Variants in DGKZ observed in about 807,000 individuals in gnomAD.
DGKZ encodes the protein diacylglycerol kinase zeta.
In DGKZ, 45 loss-of-function variants were observed where a neutral mutation model predicts 142.5. That is an observed-to-expected ratio of 0.32 (90% confidence interval 0.25 to 0.40). The LOEUF is 0.40. Ranked by LOEUF, DGKZ falls within the 10% of genes least tolerant of loss-of-function variation. The pLI, the probability that DGKZ is intolerant of heterozygous loss-of-function variation, is 1.00. For synonymous variants in DGKZ, 442 were observed against 527.0 expected (o/e 0.84, Z 2.21); for missense variants, 755 against 1,306.5 (o/e 0.58, Z 6.51).
Position 46,371,700 on chromosome 11 carries a change from G to T in DGKZ, c.760-4G>T. 1 of 1,613,904 alleles carries T rather than the reference G, an allele frequency of 6.2e-7. No homozygotes were observed. ...CGTCACCAACACCCCTGCTTCCCTT[G>T]CAGAATACTCTGAAAGCAAGCAAGA... On this transcript the variant is annotated splice_region_variant and splice_polypyrimidine_tract_variant and intron_variant, in intron 8 of 30. Transcript: ENST00000527911.
chr11:46,338,202 T>C (rs1423099197), intron 1 of DGKZ, among the ~76,000 whole-genome samples: 1 of 152,020 alleles, frequency 6.6e-6, no homozygotes, highest in Non-Finnish European at 1.5e-5. Flanking sequence ...TTTAAAAACT[T>C]AAAAAGCATT....
exon 7 of DGKZ, chr11:46,371,337 C>T (rs757428921): frequency 3.7e-6 from 6 of 1,613,912 alleles, no homozygotes; most frequent in East Asian, 2.2e-5. Flanking sequence ...GTTCACCTTC[C>T]ACAGCAAGGA....
At chr11:46,369,761 C>A in intron 5 of DGKZ, 180 bp from the exon 6 acceptor site, 2 of 887,330 alleles carry the variant, frequency 2.3e-6, no homozygotes, top group Non-Finnish European at 1.8e-6. Context: ...CCAGCCTTCT[C>A]TGTCCCTCTG....
chr11:46,358,154 G>C (rs1360494846), intron 1 of DGKZ, among the ~76,000 whole-genome samples: 1 of 152,134 alleles, frequency 6.6e-6, no homozygotes, highest in Non-Finnish European at 1.5e-5. Flanking sequence ...TGGCACAAAA[G>C]CAGTGGTGGG....
intron 15 of DGKZ, 74 bp downstream of exon 15, chr11:46,374,309 G>T: frequency 1.2e-6 from 2 of 1,611,924 alleles, no homozygotes; most frequent in Non-Finnish European, 1.7e-6. Context: ...CCCTGCTCCC[G>T]CCAGTGAAGG....
intron 4 of DGKZ, 42 bp downstream of exon 4, chr11:46,368,121 T>C (rs746627661): frequency 6.3e-7 from 1 of 1,599,884 alleles, no homozygotes; most frequent in Non-Finnish European, 8.6e-7. Flanking sequence ...GCCCTTTGGG[T>C]GCTGAGGCCC....
chr11:46,345,367 C>T (rs1189738022), upstream of DGKZ: 9 of 1,399,876 alleles, frequency 6.4e-6, no homozygotes, highest in Non-Finnish European at 8.3e-6. This position sits in a 1 kb window ranked among gnomAD's most constrained non-coding sequence, Gnocchi z 4.1. Flanking sequence ...CGACCCCACC[C>T]CCGTCAGGAA....
chr11:46,343,727 A>G (rs985924136), upstream of DGKZ, among the ~76,000 whole-genome samples: 1 of 152,034 alleles, frequency 6.6e-6, no homozygotes, highest in South Asian at 2.1e-4. Flanking sequence ...CCTTTTTGCA[A>G]TTCTCCAGAC....
At chr11:46,376,796 G>T in intron 24 of DGKZ, 2 of 675,862 alleles carry the variant, frequency 3.0e-6, no homozygotes, top group Non-Finnish European at 4.9e-6. Context: ...AAGGCTTGCT[G>T]GGTGGGTAGG....
chr11:46,369,381 G>A, intron 4 of DGKZ, 113 bp from the exon 5 acceptor site: 2 of 1,291,124 alleles, frequency 1.5e-6, no homozygotes, highest in Non-Finnish European at 2.2e-6. Context: ...GTGACGATTT[G>A]GGGGTATCCC....
At chr11:46,370,138 G>C in intron 6 of DGKZ, 129 bp downstream of exon 6, 3 of 1,128,796 alleles carry the variant, frequency 2.7e-6, no homozygotes, top group Non-Finnish European at 3.9e-6. Context: ...CCCTCAGCCT[G>C]GCTGCAGTGC....
At chr11:46,350,012 G>A (rs1348823517) in intron 1 of DGKZ, among the ~76,000 whole-genome samples, 1 of 152,198 alleles carries the variant, frequency 6.6e-6, no homozygotes, top group Admixed American at 6.5e-5. Flanking sequence ...AGTCCGTCAC[G>A]CTGGGGAGTG....
chr11:46,344,172 A>T (rs1278549079), upstream of DGKZ, among the ~76,000 whole-genome samples: 1 of 150,662 alleles, frequency 6.6e-6, no homozygotes, highest in Non-Finnish European at 1.5e-5. Context: ...CTAGTCTCAA[A>T]CTCCTGACCT....
exon 31 of DGKZ, chr11:46,379,834 G>T: frequency 6.2e-7 from 1 of 1,609,262 alleles, no homozygotes; most frequent in Non-Finnish European, 8.5e-7. Flanking sequence ...CCTCCAGGGC[G>T]ACACTCCCCG....
chr11:46,376,177 C>T (rs775259654), intron 22 of DGKZ, 32 bp downstream of exon 22: 22 of 1,609,992 alleles, frequency 1.4e-5, no homozygotes, highest in Admixed American at 5.0e-5. Flanking sequence ...AGGTGCCCAC[C>T]GAGAGGGTGG....
At chr11:46,345,685 T>TCATCCAGC, upstream of DGKZ, 1 of 1,216,796 alleles carries the variant, frequency 8.2e-7, no homozygotes. The surrounding 1 kb of genome is among the most constrained non-coding windows in gnomAD (Gnocchi z 4.1). Context: ...CACCCATCTG[T>TCATCCAGC]CATCCAGCAC....
chr11:46,354,393 G>A lies in DGKZ; in HGVS notation c.161+6573G>A, dbSNP rs576731243. Among the ~76,000 whole-genome samples, 8 of 152,240 alleles carry A rather than the reference G, an allele frequency of 5.3e-5. No homozygotes were observed. In the South Asian group the frequency reaches 1.2e-3, roughly 24 times the overall value. Reference sequence around the variant, plus strand: ...CTTTCTTTTGTAGAGACGAGGTCCTGCTATGTTGCCCAGGTTGGTCTCGAA... The same window carrying A: ...CTTTCTTTTGTAGAGACGAGGTCCTACTATGTTGCCCAGGTTGGTCTCGAA... On this transcript the variant is annotated intron_variant, in intron 1 of 30. Transcript: ENST00000527911.
chr11:46,376,938 G>C (rs1384321079), intron 24 of DGKZ, 135 bp from the exon 25 acceptor site: 1 of 770,744 alleles, frequency 1.3e-6, no homozygotes, highest in East Asian at 2.7e-5. Flanking sequence ...AGAGGGACAG[G>C]CAGGGCCCCT....
chr11:46,334,753 T>C (rs1326126294), intron 1 of DGKZ, among the ~76,000 whole-genome samples: 1 of 152,114 alleles, frequency 6.6e-6, no homozygotes, highest in African/African-American at 2.4e-5. Flanking sequence ...GGGGAGTGCA[T>C]CATCCATCCC....
Sources: gnomAD v4.1 joint callset for allele counts (sites outside exome capture counted in the v4.1 genomes callset) on GRCh38, gnomAD v4.1.1 for gene constraint, Gnocchi (gnomAD v3.1) non-coding constraint, MANE v1.5 for transcripts, NCBI Gene and HGNC (gene_info 2026-07-23, HGNC 2026-07-21) for gene names.